Variants in ABL1 observed in about 807,000 individuals in gnomAD.
The protein encoded by ABL1 is ABL proto-oncogene 1, non-receptor tyrosine kinase.
A neutral mutation model predicts 94.7 loss-of-function variants in ABL1; 11 were observed. The ratio of observed to expected loss-of-function variants is 0.12; its 90% CI spans 0.07 to 0.19. The LOEUF (loss-of-function observed/expected upper bound fraction) is 0.19. Ranked by LOEUF, ABL1 falls within the 10% of genes least tolerant of loss-of-function variation. The probability of loss-of-function intolerance (pLI) is 1.00; values close to 1 mark genes in which losing one functional copy is unlikely to be tolerated. For missense variants in ABL1, 1,082 were observed against 1,489.4 expected (o/e 0.73, Z 4.50); for synonymous variants, 656 against 622.4 (o/e 1.05, Z -0.80).
chr9:130,713,578 T>C (rs1183335959), exon 1 of ABL1, among the ~76,000 whole-genome samples: 2 of 152,174 alleles, frequency 1.3e-5, no homozygotes, highest in East Asian at 3.8e-4. Context: ...GGGTCTCCCC[T>C]TCCCCCAAGG....
chr9:130,792,353 G>A (rs1829920228), intron 1 of ABL1, among the ~76,000 whole-genome samples: 2 of 152,184 alleles, frequency 1.3e-5, no homozygotes, highest in South Asian at 2.1e-4. Flanking sequence ...TAGCTCGCAT[G>A]GTAACATAAG....
At chr9:130,848,710 G>C (rs763250671) in intron 1 of ABL1, among the ~76,000 whole-genome samples, 2 of 152,098 alleles carry the variant, frequency 1.3e-5, no homozygotes, top group African/African-American at 4.8e-5. Context: ...GCTGAGGCAG[G>C]CTTATCACCT....
rs553242486 is a variant in ABL1, at chr9:130,847,802, T to A, written c.80-6262T>A. On this transcript the variant is annotated intron_variant, in intron 1 of 10. Coordinates refer to ENST00000318560, the MANE Select transcript of ABL1 (RefSeq NM_005157.6). Reference sequence around the variant, plus strand: ...CAAAAAGCAGTGGGAGGCCCTTTCCTTCCTAACAAAGGCCTCATCCTCTTG... The same window carrying A: ...CAAAAAGCAGTGGGAGGCCCTTTCCATCCTAACAAAGGCCTCATCCTCTTG... 3.3e-5 allele frequency among the ~76,000 whole-genome samples: 5 copies of A among 152,320 alleles called. No individual in the cohort carries two copies. The South Asian group carries it at 8.3e-4, about 25-fold the overall frequency.
In ABL1 at chr9:130,713,854, T is replaced by C. The variant is rs114913770; in HGVS notation, c.-466T>C. On this transcript the variant is annotated 5_prime_UTR_variant, in exon 1 of 11. Transcript: ENST00000372348. ...GGCCACTAGTTCGGCAGGAAATTTGTTGGAAGATGAAGAAGCTAAGATAGG... is the reference window on the plus strand; with the variant it reads ...GGCCACTAGTTCGGCAGGAAATTTGCTGGAAGATGAAGAAGCTAAGATAGG... 3.3e-3 allele frequency: 755 copies of C among 226,700 alleles called. 8 individuals are homozygous for C. The highest frequency in any genetic ancestry group is 0.016 in the African/African-American group (716 of 45,122). The allele number at this position is 226,700 out of a possible 1,614,324, so 14.0% of individuals were successfully genotyped here. A position where few individuals can be genotyped will look rare whatever the true frequency, so the allele number is the denominator to read the frequency against.
chr9:130,727,218 C>G (rs1290917531), intron 1 of ABL1, among the ~76,000 whole-genome samples: 1 of 149,638 alleles, frequency 6.7e-6, no homozygotes, highest in African/African-American at 2.4e-5. Context: ...CTTACTTCAT[C>G]TATAGCTTTG....
chr9:130,764,485 T>G (rs944798608), intron 1 of ABL1, among the ~76,000 whole-genome samples: 6 of 152,222 alleles, frequency 3.9e-5, no homozygotes, highest in African/African-American at 1.2e-4. Context: ...TGTGTTTAGC[T>G]TATTTAGCAG....
rs11300328 is a variant in ABL1 at position 130,730,998 on chromosome 9, C to CTTTT, written c.136+16566_136+16569dup. Among the ~76,000 whole-genome samples the CTTTT allele has an allele frequency of 3.9e-4, 25 of 64,494 alleles. 4 individuals are homozygous for CTTTT. The highest frequency in any genetic ancestry group is 5.5e-4 in the Non-Finnish European group (20 of 36,524). 42.3% of individuals were successfully genotyped at this position (64,494 alleles called of 152,430 possible). ...CATTGTGCGTTTTCACTCTATCTCTCTTTTTTTTTTTTTTTTTTTTTTTTT... is the reference window on the plus strand; with the variant it reads ...CATTGTGCGTTTTCACTCTATCTCTCTTTTTTTTTTTTTTTTTTTTTTTTTTTTT... On this transcript the variant is annotated intron_variant, in intron 1 of 10. Transcript: ENST00000372348.
intron 1 of ABL1, among the ~76,000 whole-genome samples, chr9:130,752,970 A>T (rs992634035): frequency 7.2e-6 from 1 of 139,154 alleles, no homozygotes; most frequent in Non-Finnish European, 1.6e-5. Flanking sequence ...AAAAAAAAAA[A>T]AAAGGGCTGG....
chr9:130,829,564 C>CAA (rs1167581144), intron 1 of ABL1, among the ~76,000 whole-genome samples: 26 of 68,522 alleles, frequency 3.8e-4, no homozygotes, highest in African/African-American at 7.3e-4. Flanking sequence ...GACTACGTCT[C>CAA]AAAAAAAAAA....
At chr9:130,765,376 C>A (rs1215224630) in intron 1 of ABL1, among the ~76,000 whole-genome samples, 1 of 152,168 alleles carries the variant, frequency 6.6e-6, no homozygotes, top group South Asian at 2.1e-4. Flanking sequence ...GAAATCCTGT[C>A]TACATGGAAA....
At chr9:130,820,468 C>T (rs1830345210) in intron 1 of ABL1, among the ~76,000 whole-genome samples, 1 of 152,206 alleles carries the variant, frequency 6.6e-6, no homozygotes, top group Admixed American at 6.5e-5. Context: ...AACCTGTATT[C>T]CATCTCCCCA....
chr9:130,804,779 T>G (rs915239905), intron 1 of ABL1, among the ~76,000 whole-genome samples: 1 of 152,232 alleles, frequency 6.6e-6, no homozygotes, highest in Non-Finnish European at 1.5e-5. Flanking sequence ...TTGGGTTGAT[T>G]TAATTGTTGT....
At chr9:130,783,974 A>G (rs1283687195) in intron 1 of ABL1, among the ~76,000 whole-genome samples, 11 of 152,148 alleles carry the variant, frequency 7.2e-5, no homozygotes, top group Non-Finnish European at 1.3e-4. Flanking sequence ...TGTGTTTTTA[A>G]GAAAACGTCC....
chr9:130,718,741 A>G (rs1564266806), intron 1 of ABL1, among the ~76,000 whole-genome samples: 1 of 152,196 alleles, frequency 6.6e-6, no homozygotes, highest in Non-Finnish European at 1.5e-5. Context: ...GAAATTAGCC[A>G]GACGTGTTAT....
At chr9:130,740,819 ATTTTTTTTTTTTTT>A (rs34323373) in intron 1 of ABL1, among the ~76,000 whole-genome samples, 8 of 97,812 alleles carry the variant, frequency 8.2e-5, no homozygotes, top group Non-Finnish European at 1.5e-4. Context: ...CCACACCCAG[ATTTTTTTTTTTTTT>A]TTTTTTTTTG....
chr9:130,805,731 G>T (rs549082749), intron 1 of ABL1, among the ~76,000 whole-genome samples: 14 of 152,242 alleles, frequency 9.2e-5, no homozygotes, highest in Non-Finnish European at 1.2e-4. Flanking sequence ...AGTTCAGCTG[G>T]TTTCAGTAGT....
Position 130,714,366 on chromosome 9 carries a change from G to C in ABL1, c.47G>C (p.Ser16Thr), listed in dbSNP as rs1831408977. The change falls in exon 1 of 11, where the codon AGC becomes ACC. Residue 16 changes from serine (S) to threonine (T), a missense_variant. Ser to Thr is a moderately conservative substitution (Grantham distance 58). Transcript: ENST00000372348. ...GTACTTGGGGACCAAAGAAGGCCAA[G>C]CTTGCCTGCCCTGCATTTTATCAAA... The C allele has an allele frequency of 1.2e-6, 2 of 1,613,728 alleles. No individual in the cohort carries two copies. Among genetic ancestry groups the C allele is most frequent in the South Asian group, 1.1e-5 (1 of 91,042 alleles).
chr9:130,756,471 T>C (rs955328675), intron 1 of ABL1, among the ~76,000 whole-genome samples: 1 of 152,164 alleles, frequency 6.6e-6, no homozygotes, highest in African/African-American at 2.4e-5. Flanking sequence ...TGAGTCTAAA[T>C]ACAGCAAAAT....
chr9:130,791,547 C>T (rs924523292), intron 1 of ABL1, among the ~76,000 whole-genome samples: 6 of 152,058 alleles, frequency 3.9e-5, no homozygotes, highest in African/African-American at 1.2e-4. Context: ...GTTGCCAGTG[C>T]AGCTAGAACA....
Sources: gnomAD v4.1 joint callset for allele counts (sites outside exome capture counted in the v4.1 genomes callset) on GRCh38, gnomAD v4.1.1 for gene constraint, MANE v1.5 for transcripts, NCBI Gene and HGNC (gene_info 2026-07-23, HGNC 2026-07-21) for gene names.